Variants in ITGA9 observed in about 807,000 individuals in gnomAD.
ITGA9 encodes integrin alpha-9.
ITGA9 carries 56 observed loss-of-function variants against 127.8 expected under a neutral mutation model. That is an observed-to-expected ratio of 0.44 (90% CI 0.35 to 0.55). The LOEUF (loss-of-function observed/expected upper bound fraction) is 0.55. Among genes scored for constraint, ITGA9 ranks in the 20% least tolerant of loss-of-function variants. The pLI is 0.00. For synonymous variants in ITGA9, 508 were observed against 514.5 expected (o/e 0.99, Z 0.17); for missense variants, 1,196 against 1,347.1 (o/e 0.89, Z 1.76).
intron 13 of ITGA9, among the ~76,000 whole-genome samples, chr3:37,530,842 C>T (rs761809511): frequency 5.0e-4 from 73 of 146,862 alleles, no homozygotes; most frequent in Admixed American, 1.7e-3. Context: ...AGCTCTGCCT[C>T]CCGGGTTCAC....
chr3:37,748,798 C>T (rs1299258266), intron 22 of ITGA9: 11 of 755,168 alleles, frequency 1.5e-5, no homozygotes, highest in Non-Finnish European at 2.4e-5. Context: ...ATACCTGGGT[C>T]CAACTGAAGC....
At chr3:37,479,055 T>C (rs985608389) in intron 3 of ITGA9, among the ~76,000 whole-genome samples, 7 of 152,106 alleles carry the variant, frequency 4.6e-5, no homozygotes, top group Non-Finnish European at 8.8e-5. Context: ...TAAAACATGG[T>C]CAACCCTTGA....
chr3:37,557,879 T>A (rs1699446353), intron 15 of ITGA9, among the ~76,000 whole-genome samples: 1 of 152,214 alleles, frequency 6.6e-6, no homozygotes, highest in African/African-American at 2.4e-5. Flanking sequence ...ATTTAAGATC[T>A]CACAGCTGGT....
In ITGA9 at chr3:37,814,570, C is replaced by T. The variant is rs567812811; in HGVS notation, c.3010-4321C>T. On this transcript the variant is annotated intron_variant, in intron 27 of 27. Transcript: ENST00000264741. This position sits in a 1 kb window ranked among gnomAD's most constrained non-coding sequence, Gnocchi z 4.3. ...CAGAGCGAGACTCCATCCCCCACCCCCCCAAAAAAGAAACAATATTAGTTT... is the reference window on the plus strand; with the variant it reads ...CAGAGCGAGACTCCATCCCCCACCCTCCCAAAAAAGAAACAATATTAGTTT... Among the ~76,000 whole-genome samples, 2 of 151,956 alleles carry T rather than the reference C, an allele frequency of 1.3e-5. No homozygotes were observed. Among genetic ancestry groups the T allele is most frequent in the African/African-American group, 2.4e-5 (1 of 41,382 alleles).
chr3:37,536,425 G>A (rs114595975), intron 14 of ITGA9, among the ~76,000 whole-genome samples: 4,232 of 152,330 alleles, frequency 0.028, 70 homozygotes, highest in Non-Finnish European at 0.047. Flanking sequence ...ACCTGTGGTG[G>A]GCTAGGTACT....
chr3:37,724,173 C>G (rs1352832822), intron 18 of ITGA9, among the ~76,000 whole-genome samples: 1 of 152,158 alleles, frequency 6.6e-6, no homozygotes, highest in Non-Finnish European at 1.5e-5. Context: ...GGTGCTGTCT[C>G]TCTTGGTGCT....
intron 15 of ITGA9, among the ~76,000 whole-genome samples, chr3:37,575,870 G>A (rs542484176): frequency 4.6e-5 from 7 of 152,252 alleles, no homozygotes; most frequent in South Asian, 2.1e-4. Context: ...AACTCCAAAC[G>A]TTTATTTTTC....
chr3:37,619,774 C>T lies in ITGA9; in HGVS notation c.1690-9413C>T, dbSNP rs567874863. Among the ~76,000 whole-genome samples the T allele has an allele frequency of 6.1e-4, 93 of 152,282 alleles. 2 individuals carry two copies. Among genetic ancestry groups the T allele is most frequent in the Non-Finnish European group, 4.1e-4 (28 of 68,014 alleles). On this transcript the variant is annotated intron_variant, in intron 15 of 27. Transcript: ENST00000264741. Reference sequence around the variant, plus strand: ...GGGTCTTGCTCCAGGCTCTCATGGCCGTTGCTGGAATTCACTCCTGCAGCT... The same window carrying T: ...GGGTCTTGCTCCAGGCTCTCATGGCTGTTGCTGGAATTCACTCCTGCAGCT...
At chr3:37,579,638 A>G (rs1458207120) in intron 15 of ITGA9, among the ~76,000 whole-genome samples, 4 of 152,182 alleles carry the variant, frequency 2.6e-5, no homozygotes, top group Non-Finnish European at 5.9e-5. Flanking sequence ...GAGAATGGAT[A>G]TTGGTTAGGC....
intron 18 of ITGA9, among the ~76,000 whole-genome samples, chr3:37,700,418 A>G (rs1357765446): frequency 6.6e-6 from 1 of 152,048 alleles, no homozygotes; most frequent in Non-Finnish European, 1.5e-5. Flanking sequence ...CAGTGACATG[A>G]TCTTGGCTCA....
chr3:37,559,902 A>T (rs1699469044), intron 15 of ITGA9, among the ~76,000 whole-genome samples: 1 of 152,222 alleles, frequency 6.6e-6, no homozygotes, highest in Admixed American at 6.5e-5. Context: ...ACTCAAGAGC[A>T]GCACTGTCTG....
chr3:37,790,394 C>T (rs1697093630), intron 26 of ITGA9: 1 of 472,506 alleles, frequency 2.1e-6, no homozygotes, highest in Non-Finnish European at 4.3e-6. Context: ...TCCCATTCTG[C>T]TCGGTTCTCT....
intron 15 of ITGA9, among the ~76,000 whole-genome samples, chr3:37,545,663 C>T (rs548994620): frequency 2.6e-5 from 4 of 152,336 alleles, no homozygotes; most frequent in East Asian, 1.9e-4. Context: ...TCACACACCC[C>T]GGCTTATCTT....
chr3:37,711,468 A>G (rs1414036340), intron 18 of ITGA9, among the ~76,000 whole-genome samples: 1 of 152,216 alleles, frequency 6.6e-6, no homozygotes, highest in Non-Finnish European at 1.5e-5. Flanking sequence ...GGGGAGGAGA[A>G]TCATAGCTCA....
Position 37,743,934 on chromosome 3 carries a change from C to T in ITGA9, c.2333C>T (p.Ser778Phe). The change falls in exon 22 of 28, where the codon TCT (serine) becomes TTT (phenylalanine). Residue 778 changes from serine (S) to phenylalanine (F), a missense_variant. Coordinates refer to ENST00000264741, the MANE Select transcript of ITGA9 (RefSeq NM_002207.3). ...ATGCTTTCCTCTTTCAGAATCATGT[C>T]TCCAACCTCCTTTGTATATGGCGAG... Reference protein sequence around the residue: ...EVDTSITGIMSPTSFVYGESV... With the variant: ...EVDTSITGIMFPTSFVYGESV... The T allele has an allele frequency of 1.2e-6, 2 of 1,612,254 alleles. No homozygotes were observed. The highest frequency in any genetic ancestry group is 2.2e-5 in the East Asian group (1 of 44,874).
rs566478984 is a variant in ITGA9 at position 37,817,846 on chromosome 3, T to C, written c.3010-1045T>C. Among the ~76,000 whole-genome samples, 64 of 152,224 alleles carry C rather than the reference T, an allele frequency of 4.2e-4. 1 individual carries two copies. The highest frequency in any genetic ancestry group is 1.8e-3 in the Admixed American group (27 of 15,282). On this transcript the variant is annotated intron_variant, in intron 27 of 27. Transcript: ENST00000264741. ...AAATGTAACATCAAAGGGCAGGGTCTTTTCAGAACTAAGCTAGAGGAAATT... is the reference window on the plus strand; with the variant it reads ...AAATGTAACATCAAAGGGCAGGGTCCTTTCAGAACTAAGCTAGAGGAAATT...
chr3:37,488,535 A>G (rs1302770351), intron 4 of ITGA9, among the ~76,000 whole-genome samples: 1 of 152,114 alleles, frequency 6.6e-6, no homozygotes, highest in Non-Finnish European at 1.5e-5. Flanking sequence ...GGTGGCTCAT[A>G]CCTGTAATCC....
At chr3:37,702,325 G>T (rs925237525) in intron 18 of ITGA9, among the ~76,000 whole-genome samples, 3 of 152,180 alleles carry the variant, frequency 2.0e-5, no homozygotes, top group Non-Finnish European at 4.4e-5. Context: ...CCTGTGTTTT[G>T]CACACTATGC....
chr3:37,541,629 G>A (rs1027475272), intron 14 of ITGA9, among the ~76,000 whole-genome samples: 1 of 152,130 alleles, frequency 6.6e-6, no homozygotes, highest in African/African-American at 2.4e-5. Context: ...TTCAGGTATG[G>A]GGGTGAGTTA....
Sources: allele counts gnomAD v4.1 joint callset (sites outside exome capture counted in the v4.1 genomes callset), GRCh38; gene constraint gnomAD v4.1.1; non-coding constraint Gnocchi (gnomAD v3.1); transcripts MANE v1.5; gene names NCBI Gene and HGNC (gene_info 2026-07-23, HGNC 2026-07-21).